The following SLC38A9 variants were observed in gnomAD, a reference collection of about 807,000 sequenced individuals.
SLC38A9 encodes solute carrier family 38 member 9, also known as neutral amino acid transporter 9.
A neutral mutation model predicts 62.3 loss-of-function variants in SLC38A9; 48 were observed. The observed-to-expected ratio is 0.77, with a 90% CI of 0.61 to 0.98. The LOEUF (loss-of-function observed/expected upper bound fraction) is 0.98. Among genes scored for constraint, SLC38A9 ranks in the 50% least tolerant of loss-of-function variants. SLC38A9 has a pLI of 0.00. For synonymous variants in SLC38A9, 204 were observed against 227.7 expected, an observed-to-expected ratio of 0.90 and a Z score of 0.94; for missense variants, 541 against 679.8, an observed-to-expected ratio of 0.80 and a Z score of 2.27.
At chr5:55,653,833 A>T (rs1747950023) in intron 9 of SLC38A9, among the ~76,000 whole-genome samples, 1 of 152,110 alleles carries the variant, frequency 6.6e-6, no homozygotes, top group East Asian at 1.9e-4. Flanking sequence ...TAATTTTTGT[A>T]TTTTTAGTAG....
At chr5:55,695,022 G>C (rs1193732036) in intron 3 of SLC38A9, among the ~76,000 whole-genome samples, 2 of 152,052 alleles carry the variant, frequency 1.3e-5, no homozygotes, top group African/African-American at 4.8e-5. Flanking sequence ...CAAAGTGTTG[G>C]GATTACAGGC....
chr5:55,639,272 TAAAAAAAAAAAAA>T (rs753043231), intron 12 of SLC38A9, among the ~76,000 whole-genome samples: 1 of 54,650 alleles, frequency 1.8e-5, no homozygotes. Context: ...AAACTCTGTC[TAAAAAAAAAAAAA>T]AAAAAAAAAG....
At chr5:55,693,140 T>C (rs1308473464) in intron 3 of SLC38A9, 1 of 301,390 alleles carries the variant, frequency 3.3e-6, no homozygotes, top group Non-Finnish European at 4.9e-6. Flanking sequence ...GTTGGGTGTC[T>C]ACCTAACAGT....
At chr5:55,681,145 C>T (rs990968893) in intron 3 of SLC38A9, among the ~76,000 whole-genome samples, 3 of 152,136 alleles carry the variant, frequency 2.0e-5, no homozygotes, top group African/African-American at 7.2e-5. Flanking sequence ...TATTACGAAC[C>T]TTAATTCTGT....
intron 3 of SLC38A9, among the ~76,000 whole-genome samples, chr5:55,690,442 G>A (rs573445842): frequency 3.8e-4 from 58 of 152,312 alleles, no homozygotes; most frequent in African/African-American, 1.4e-3. Context: ...GAATGGAAGG[G>A]AAAGAGGATG....
At chr5:55,688,099 A>G (rs889822398) in intron 3 of SLC38A9, among the ~76,000 whole-genome samples, 10 of 152,152 alleles carry the variant, frequency 6.6e-5, no homozygotes, top group African/African-American at 2.4e-4. Flanking sequence ...ATTTTTGCAC[A>G]TTGATTTTGT....
At chr5:55,685,277 C>G (rs192888029) in intron 3 of SLC38A9, among the ~76,000 whole-genome samples, 179 of 152,302 alleles carry the variant, frequency 1.2e-3, no homozygotes, top group African/African-American at 4.0e-3. Flanking sequence ...CCCCTTTCCC[C>G]AGCCCCTGGA....
At position 55,680,226 on chromosome 5, in the gene SLC38A9, TAG is replaced by T. The variant is rs59019385; in HGVS notation, c.114-7533_114-7532del. ...TTCAGTGTATATATCTATATATATATAGAGAGAGAGAGATACATTTTATTTTT... is the reference window on the plus strand; with the variant it reads ...TTCAGTGTATATATCTATATATATATAGAGAGAGAGATACATTTTATTTTT... On this transcript the variant is annotated intron_variant, in intron 3 of 15. Transcript: ENST00000396865. Among the ~76,000 whole-genome samples the T allele has an allele frequency of 1.3e-3, 202 of 151,340 alleles. 1 individual carries two copies. Among genetic ancestry groups the T allele is most frequent in the Middle Eastern group, 0.01 (3 of 290 alleles).
intron 2 of SLC38A9, among the ~76,000 whole-genome samples, chr5:55,710,220 T>A (rs1386129576): frequency 1.8e-5 from 2 of 111,668 alleles, no homozygotes; most frequent in African/African-American, 6.7e-5. Flanking sequence ...TTTTTTTTTT[T>A]AAGACAGGAT....
rs577705343 is a variant in SLC38A9, at chr5:55,712,256, G to T, written c.-122C>A. On this transcript the variant is annotated 5_prime_UTR_variant, in exon 1 of 16. Coordinates refer to ENST00000396865, the MANE Select transcript of SLC38A9 (RefSeq NM_173514.4). ...CCTTCAACCTCGGAGAACTAGACGAGAAGATAAAGATTCCCTTCCCAAATT... is the reference window on the plus strand; with the variant it reads ...CCTTCAACCTCGGAGAACTAGACGATAAGATAAAGATTCCCTTCCCAAATT... 6.6e-5 allele frequency: 10 copies of T among 152,628 alleles called. No homozygotes were observed. The highest frequency in any genetic ancestry group is 1.5e-4 in the Non-Finnish European group (10 of 68,080). The allele number at this position is 152,628 out of a possible 1,614,324, so 9.5% of individuals were successfully genotyped here. A position where few individuals can be genotyped will look rare whatever the true frequency, so the allele number is the denominator to read the frequency against.
chr5:55,690,552 A>T (rs560768472), intron 3 of SLC38A9, among the ~76,000 whole-genome samples: 1 of 152,326 alleles, frequency 6.6e-6, no homozygotes, highest in Admixed American at 6.5e-5. Flanking sequence ...ACTGATGTCA[A>T]GTTCCTCAAA....
chr5:55,671,704 C>T lies in SLC38A9; in HGVS notation c.246+859G>A, dbSNP rs576090696. Among the ~76,000 whole-genome samples, 8 of 152,086 alleles carry T rather than the reference C, an allele frequency of 5.3e-5. No homozygotes were observed. In the South Asian group the frequency reaches 6.3e-4, roughly 12 times the overall value. ...CTCTACTCAAAATACAAAAATGAGCCAGGTGTGGTGGCGCACACCTGTAAC... is the reference window on the plus strand; with the variant it reads ...CTCTACTCAAAATACAAAAATGAGCTAGGTGTGGTGGCGCACACCTGTAAC... On this transcript the variant is annotated intron_variant, in intron 4 of 15. Transcript: ENST00000396865.
intron 8 of SLC38A9, among the ~76,000 whole-genome samples, chr5:55,659,381 T>TC (rs1749056054): frequency 6.9e-6 from 1 of 145,004 alleles, no homozygotes; most frequent in Admixed American, 6.8e-5. Flanking sequence ...TGGAAAGGTT[T>TC]TTTTTTTTAT....
At chr5:55,682,329 C>A (rs528222810) in intron 3 of SLC38A9, among the ~76,000 whole-genome samples, 1 of 152,298 alleles carries the variant, frequency 6.6e-6, no homozygotes, top group East Asian at 1.9e-4. Context: ...TGCACAGAAA[C>A]CTTCCCAAGG....
chr5:55,678,138 G>GTTTTTTTTTT (rs769465008), intron 3 of SLC38A9, among the ~76,000 whole-genome samples: 7 of 129,428 alleles, frequency 5.4e-5, no homozygotes, highest in Non-Finnish European at 3.2e-5. Flanking sequence ...AAGGTTACTG[G>GTTTTTTTTTT]TTTTTTTTTC....
At chr5:55,669,952 C>A in intron 4 of SLC38A9, 73 bp from the exon 5 acceptor site, 1 of 1,412,440 alleles carries the variant, frequency 7.1e-7, no homozygotes, top group South Asian at 1.4e-5. Flanking sequence ...CACATCAGAA[C>A]ACCTGACTCT....
At chr5:55,711,874 C>T (rs1243120117) in intron 1 of SLC38A9, among the ~76,000 whole-genome samples, 1 of 152,302 alleles carries the variant, frequency 6.6e-6, no homozygotes, top group South Asian at 2.1e-4. Context: ...CTTCTCTCAC[C>T]CGAGGGTCAG....
At chr5:55,626,789 TG>T (rs1742517048) in intron 15 of SLC38A9, 130 bp from the exon 16 acceptor site, 1 of 793,456 alleles carries the variant, frequency 1.3e-6, no homozygotes, top group Admixed American at 3.0e-5. Context: ...ATTCATTTGT[TG>T]TTGACATAAA....
intron 3 of SLC38A9, among the ~76,000 whole-genome samples, chr5:55,694,673 C>CTCCCTTT (rs1380941560): frequency 6.6e-6 from 1 of 151,558 alleles, no homozygotes; most frequent in African/African-American, 2.4e-5. Context: ...TCCAAGAGTT[C>CTCCCTTT]TCCCTTTTCC....
Sources: gnomAD v4.1 joint callset for allele counts (sites outside exome capture counted in the v4.1 genomes callset) on GRCh38, gnomAD v4.1.1 for gene constraint, MANE v1.5 for transcripts, NCBI Gene and HGNC (gene_info 2026-07-23, HGNC 2026-07-21) for gene names.